VCF1: variants seen among roughly 807,000 people sequenced by gnomAD.
VCF1 encodes the protein protein VCF1.
the VCF1 span, among the ~76,000 whole-genome samples, chr17:73,213,709 C>A: frequency 6.6e-6 from 1 of 152,190 alleles, no homozygotes; most frequent in Non-Finnish European, 1.5e-5. Context: ...GTGGCTCACA[C>A]CTGTAATCCC....
chr17:73,229,210 T>A, the VCF1 span: 1 of 985,474 alleles, frequency 1.0e-6, no homozygotes, highest in South Asian at 4.7e-5. Context: ...CTCCTCTGGA[T>A]GGTACCAGAT....
the VCF1 span, chr17:73,229,472 G>A: frequency 1.0e-6 from 1 of 985,226 alleles, no homozygotes; most frequent in African/African-American, 1.7e-5. Context: ...TTACCAGTTA[G>A]CATCTGTTAC....
chr17:73,211,890 G>A, the VCF1 span, among the ~76,000 whole-genome samples: 1 of 152,134 alleles, frequency 6.6e-6, no homozygotes, highest in Non-Finnish European at 1.5e-5. Flanking sequence ...AATTATCTGG[G>A]CGTGGTGGCT....
At chr17:73,225,553 G>C in the VCF1 span, among the ~76,000 whole-genome samples, 3 of 151,814 alleles carry the variant, frequency 2.0e-5, no homozygotes, top group African/African-American at 4.8e-5. Context: ...CGTTAATACA[G>C]AGAGTTAGAC....
the VCF1 span, among the ~76,000 whole-genome samples, chr17:73,225,532 C>G: frequency 6.6e-6 from 1 of 150,896 alleles, no homozygotes; most frequent in African/African-American, 2.4e-5. Context: ...CTGGCAGATA[C>G]GGGAAAAAAA....
At chr17:73,230,647 T>G in the VCF1 span, among the ~76,000 whole-genome samples, 1 of 152,168 alleles carries the variant, frequency 6.6e-6, no homozygotes, top group Non-Finnish European at 1.5e-5. Flanking sequence ...TCCGCCCGCC[T>G]TGACTTCCCA....
At chr17:73,224,902 C>CAGCATAGGAT in the VCF1 span, among the ~76,000 whole-genome samples, 1 of 147,834 alleles carries the variant, frequency 6.8e-6, no homozygotes, top group African/African-American at 2.5e-5. Context: ...CAGGACAGGA[C>CAGCATAGGAT]AGGACAGGAC....
chr17:73,225,226 T>A, the VCF1 span, among the ~76,000 whole-genome samples: 1 of 152,200 alleles, frequency 6.6e-6, no homozygotes, highest in Non-Finnish European at 1.5e-5. Context: ...CAACTGAATT[T>A]CTTTGGACAA....
chr17:73,230,210 C>G, the VCF1 span, among the ~76,000 whole-genome samples: 1 of 151,722 alleles, frequency 6.6e-6, no homozygotes, highest in African/African-American at 2.4e-5. Flanking sequence ...GTGGGAGGAT[C>G]ACCTGAGCCT....
At chr17:73,212,877 G>C in the VCF1 span, 5 of 512,410 alleles carry the variant, frequency 9.8e-6, no homozygotes, top group Admixed American at 4.0e-5. Context: ...ACAGATTAGG[G>C]AAGATTTCTG....
chr17:73,232,119 G>T, the VCF1 span: 5 of 1,610,014 alleles, frequency 3.1e-6, no homozygotes, highest in African/African-American at 5.3e-5. Context: ...GGCAGCTGGC[G>T]GATGGAAGCT....
chr17:73,221,807 G>A, the VCF1 span, among the ~76,000 whole-genome samples: 58 of 151,990 alleles, frequency 3.8e-4, no homozygotes, highest in African/African-American at 1.0e-3. Context: ...AGGCCGAGGC[G>A]GGCGGATCAT....
chr17:73,215,730 A>G, the VCF1 span, among the ~76,000 whole-genome samples: 12 of 152,226 alleles, frequency 7.9e-5, no homozygotes, highest in African/African-American at 2.9e-4. Context: ...TGAAGCATTC[A>G]GTAAATATTT....
the VCF1 span, chr17:73,208,293 TTTCTC>T: frequency 4.3e-6 from 7 of 1,612,710 alleles, no homozygotes; most frequent in East Asian, 1.6e-4. Flanking sequence ...CTAAGGCACT[TTTCTC>T]TACATCCAAT....
the VCF1 span, chr17:73,209,549 G>A: frequency 4.4e-6 from 7 of 1,587,164 alleles, no homozygotes; most frequent in East Asian, 2.3e-5. Flanking sequence ...GGCCGCCCTC[G>A]GTGCTGTAGG....
At chr17:73,209,295 A>T in the VCF1 span, 1 of 586,914 alleles carries the variant, frequency 1.7e-6, no homozygotes, top group Non-Finnish European at 3.0e-6. Flanking sequence ...CATAGATTTG[A>T]TACCCTCCCT....
the VCF1 span, among the ~76,000 whole-genome samples, chr17:73,224,737 A>G: frequency 1.3e-5 from 2 of 152,324 alleles, no homozygotes; most frequent in East Asian, 3.9e-4. Flanking sequence ...TTTAAAAGAT[A>G]TTCCCTCTGC....
the VCF1 span, chr17:73,209,303 C>T: frequency 3.3e-6 from 2 of 602,114 alleles, no homozygotes; most frequent in Non-Finnish European, 5.8e-6. Context: ...TGATACCCTC[C>T]CTCAAAAGAA....
the VCF1 span, among the ~76,000 whole-genome samples, chr17:73,223,623 A>T: frequency 6.9e-6 from 1 of 144,522 alleles, no homozygotes; most frequent in South Asian, 2.2e-4. Context: ...AATTGTAAGT[A>T]ACTTTTAAAT....
Sources: allele counts gnomAD v4.1 joint callset (sites outside exome capture counted in the v4.1 genomes callset), GRCh38; gene constraint gnomAD v4.1.1; transcripts MANE v1.5; gene names NCBI Gene and HGNC (gene_info 2026-07-23, HGNC 2026-07-21).